The following SEZ6L variants were observed in gnomAD, a reference collection of about 807,000 sequenced individuals.
SEZ6L encodes the protein seizure related 6 homolog like.
Under a neutral mutation model 106.2 loss-of-function variants are expected in SEZ6L, and 37 were observed. The ratio of observed to expected loss-of-function variants is 0.35; its 90% CI spans 0.27 to 0.46. SEZ6L has a LOEUF of 0.46. Among genes scored for constraint, SEZ6L ranks in the 20% least tolerant of loss-of-function variants. The pLI is 1.00. For synonymous variants in SEZ6L, 541 were observed against 570.4 expected, an observed-to-expected ratio of 0.95 and a Z score of 0.73; for missense variants, 1,172 against 1,332.8, an observed-to-expected ratio of 0.88 and a Z score of 1.88.
chr22:26,222,453 T>G (rs1254082801), intron 1 of SEZ6L, among the ~76,000 whole-genome samples: 1 of 152,174 alleles, frequency 6.6e-6, no homozygotes, highest in Admixed American at 6.5e-5. Flanking sequence ...CTGGAAGGAG[T>G]TATTGCTGCC....
chr22:26,289,175 C>G (rs748358200), intron 1 of SEZ6L, among the ~76,000 whole-genome samples: 17 of 152,308 alleles, frequency 1.1e-4, no homozygotes, highest in Non-Finnish European at 1.6e-4. Flanking sequence ...ACCCAGATCC[C>G]TCAGCTCCTG....
chr22:26,218,366 C>T (rs2078357444), intron 1 of SEZ6L, among the ~76,000 whole-genome samples: 1 of 152,184 alleles, frequency 6.6e-6, no homozygotes, highest in African/African-American at 2.4e-5. Context: ...TTTTAAGCCC[C>T]ACATGCATTA....
At chr22:26,309,948 T>A (rs1326945056) in intron 6 of SEZ6L, among the ~76,000 whole-genome samples, 1 of 152,182 alleles carries the variant, frequency 6.6e-6, no homozygotes, top group African/African-American at 2.4e-5. Flanking sequence ...TGAAGTGTTC[T>A]TGTGCAAAGT....
intron 9 of SEZ6L, among the ~76,000 whole-genome samples, chr22:26,326,630 G>A (rs770432589): frequency 1.1e-4 from 16 of 152,156 alleles, no homozygotes; most frequent in Admixed American, 2.0e-4. Context: ...AGGAGTGCCA[G>A]CCTCACACCC....
At chr22:26,294,705 CGCAT>C (rs1474678333) in intron 3 of SEZ6L, among the ~76,000 whole-genome samples, 2 of 141,686 alleles carry the variant, frequency 1.4e-5, no homozygotes, top group Admixed American at 1.5e-4. Context: ...CATACACACA[CGCAT>C]GCACGTGCAT....
intron 1 of SEZ6L, among the ~76,000 whole-genome samples, chr22:26,198,047 G>A: frequency 6.6e-6 from 1 of 152,208 alleles, no homozygotes; most frequent in South Asian, 2.1e-4. Context: ...GGCAAAAGGA[G>A]AAGCTACTGG....
intron 14 of SEZ6L, 99 bp downstream of exon 14, chr22:26,373,582 A>C: frequency 1.1e-6 from 1 of 918,678 alleles, no homozygotes; most frequent in Non-Finnish European, 1.7e-6. Context: ...CACTTAAAAA[A>C]TAAATAAATT....
chr22:26,278,779 A>C (rs927565761), intron 1 of SEZ6L, among the ~76,000 whole-genome samples: 2 of 151,084 alleles, frequency 1.3e-5, no homozygotes, highest in African/African-American at 4.9e-5. Flanking sequence ...GAAGGAAAGA[A>C]GGAAGGAAGG....
chr22:26,362,616 G>A (rs150317906), intron 12 of SEZ6L, among the ~76,000 whole-genome samples: 49 of 152,270 alleles, frequency 3.2e-4, no homozygotes, highest in East Asian at 3.1e-3. Flanking sequence ...CCTCCTCACC[G>A]CATTGCTGGA....
chr22:26,258,302 C>T (rs2079890753), intron 1 of SEZ6L, among the ~76,000 whole-genome samples: 1 of 152,232 alleles, frequency 6.6e-6, no homozygotes, highest in African/African-American at 2.4e-5. Context: ...GAAGCTCATA[C>T]TCACATAGCA....
chr22:26,172,792 A>G (rs1938716969), intron 1 of SEZ6L, among the ~76,000 whole-genome samples: 2 of 152,234 alleles, frequency 1.3e-5, no homozygotes, highest in South Asian at 2.1e-4. Context: ...TGACACACGC[A>G]GTGAAAAAGA....
chr22:26,227,149 C>T (rs1482867053), intron 1 of SEZ6L, among the ~76,000 whole-genome samples: 3 of 152,172 alleles, frequency 2.0e-5, no homozygotes, highest in East Asian at 1.9e-4. Flanking sequence ...CTCTGCTCAG[C>T]GAACATCTGC....
intron 12 of SEZ6L, among the ~76,000 whole-genome samples, chr22:26,361,181 C>G (rs930090671): frequency 1.3e-5 from 2 of 151,832 alleles, no homozygotes; most frequent in Non-Finnish European, 2.9e-5. Context: ...AATAGAAAAA[C>G]AAGTCAATAG....
intron 12 of SEZ6L, among the ~76,000 whole-genome samples, chr22:26,356,192 C>T (rs188501186): frequency 2.2e-3 from 328 of 152,248 alleles, no homozygotes; most frequent in African/African-American, 7.6e-3. Context: ...TTTCCTAGGC[C>T]AAAATACCAT....
intron 13 of SEZ6L, among the ~76,000 whole-genome samples, chr22:26,369,486 G>A (rs533045663): frequency 1.4e-3 from 205 of 151,344 alleles, no homozygotes; most frequent in African/African-American, 4.6e-3. Context: ...GACTACAGGC[G>A]CCCGCCACCA....
rs78333625 is a variant in SEZ6L, at chr22:26,345,961, A to G, written c.2213-1758A>G. Among the ~76,000 whole-genome samples, 1,267 of 152,280 alleles carry G rather than the reference A, an allele frequency of 8.3e-3. 21 individuals are homozygous for G. The highest frequency in any genetic ancestry group is 0.062 in the East Asian group (324 of 5,184). ...TCTGGAGTATGGTTCATTTTCACTA[A>G]TGATATGCAATTGGATTTGAAGAAT... On this transcript the variant is annotated intron_variant, in intron 10 of 16. Transcript: ENST00000248933.
chr22:26,181,750 G>A (rs982903676), intron 1 of SEZ6L, among the ~76,000 whole-genome samples: 1 of 152,126 alleles, frequency 6.6e-6, no homozygotes, highest in Non-Finnish European at 1.5e-5. Context: ...TGGCTGGTAC[G>A]TAGCAGAAGT....
At chr22:26,195,803 A>ATAT (rs544722217) in intron 1 of SEZ6L, among the ~76,000 whole-genome samples, 1 of 151,700 alleles carries the variant, frequency 6.6e-6, no homozygotes, top group African/African-American at 2.4e-5. Flanking sequence ...ATATATATAT[A>ATAT]GTTTGTGTGT....
chr22:26,326,373 G>T (rs952099463), intron 9 of SEZ6L, among the ~76,000 whole-genome samples: 1 of 152,170 alleles, frequency 6.6e-6, no homozygotes, highest in African/African-American at 2.4e-5. Flanking sequence ...TTTATTGAGC[G>T]CATACCATGT....
Sources: allele counts gnomAD v4.1 joint callset (sites outside exome capture counted in the v4.1 genomes callset), GRCh38; gene constraint gnomAD v4.1.1; transcripts MANE v1.5; gene names NCBI Gene and HGNC (gene_info 2026-07-23, HGNC 2026-07-21).